Variants in QTMAN observed in about 807,000 individuals in gnomAD.
QTMAN encodes the protein tRNA-queuosine alpha-mannosyltransferase.
the QTMAN span, among the ~76,000 whole-genome samples, chr2:144,012,099 T>G: frequency 2.0e-5 from 3 of 151,992 alleles, no homozygotes; most frequent in Non-Finnish European, 4.4e-5. Context: ...TTCCAACCAA[T>G]AGCCAATATG....
At chr2:144,284,420 TA>T in the QTMAN span, among the ~76,000 whole-genome samples, 2 of 151,904 alleles carry the variant, frequency 1.3e-5, no homozygotes, top group African/African-American at 2.4e-5. Flanking sequence ...GATAATTAAG[TA>T]AAAAAGGAAA....
At chr2:144,021,063 T>G in the QTMAN span, among the ~76,000 whole-genome samples, 4 of 142,346 alleles carry the variant, frequency 2.8e-5, no homozygotes, top group Admixed American at 2.1e-4. Flanking sequence ...ACCGAGAAAA[T>G]AGTGTGGGAA....
the QTMAN span, among the ~76,000 whole-genome samples, chr2:144,214,696 CTTG>C: frequency 1.3e-5 from 2 of 152,232 alleles, no homozygotes; most frequent in Non-Finnish European, 1.5e-5. Flanking sequence ...ATTTTTGTGT[CTTG>C]TTGTAGAGAC....
the QTMAN span, among the ~76,000 whole-genome samples, chr2:143,951,428 A>T: frequency 6.6e-6 from 1 of 151,700 alleles, no homozygotes; most frequent in South Asian, 2.1e-4. Context: ...TCCCTTTGCC[A>T]TTCAGAGATG....
the QTMAN span, among the ~76,000 whole-genome samples, chr2:143,999,009 C>T: frequency 6.6e-6 from 1 of 151,892 alleles, no homozygotes; most frequent in Non-Finnish European, 1.5e-5. Context: ...AACAGTCACC[C>T]TATAATTCAT....
the QTMAN span, among the ~76,000 whole-genome samples, chr2:143,970,015 G>T: frequency 6.6e-6 from 1 of 152,300 alleles, no homozygotes; most frequent in South Asian, 2.1e-4. Context: ...ATGAATACTT[G>T]TATAACTTGT....
the QTMAN span, among the ~76,000 whole-genome samples, chr2:144,032,366 GA>G: frequency 6.6e-6 from 1 of 152,202 alleles, no homozygotes; most frequent in Non-Finnish European, 1.5e-5. Flanking sequence ...ACCAAATGTG[GA>G]ACATAGTCTT....
the QTMAN span, among the ~76,000 whole-genome samples, chr2:144,158,256 A>G: frequency 6.6e-6 from 1 of 152,042 alleles, no homozygotes; most frequent in Admixed American, 6.6e-5. Flanking sequence ...TTGAAAAACT[A>G]AGACTGTCAC....
At chr2:144,217,488 T>C in the QTMAN span, among the ~76,000 whole-genome samples, 13 of 152,182 alleles carry the variant, frequency 8.5e-5, no homozygotes, top group Non-Finnish European at 1.8e-4. Flanking sequence ...AATATAAATG[T>C]CACTATAAAT....
chr2:144,212,873 TAAACATC>T, the QTMAN span, among the ~76,000 whole-genome samples: 1 of 152,194 alleles, frequency 6.6e-6, no homozygotes, highest in Non-Finnish European at 1.5e-5. Context: ...GGTTAAATGC[TAAACATC>T]AAATTTGGCA....
the QTMAN span, among the ~76,000 whole-genome samples, chr2:144,119,395 C>T: frequency 6.6e-6 from 1 of 152,200 alleles, no homozygotes; most frequent in Non-Finnish European, 1.5e-5. Flanking sequence ...GATGAAAATA[C>T]CTTCCTGCTC....
chr2:144,311,719 C>G, the QTMAN span, among the ~76,000 whole-genome samples: 1 of 152,310 alleles, frequency 6.6e-6, no homozygotes, highest in East Asian at 1.9e-4. Flanking sequence ...CCTCCACAGA[C>G]TCCTCTGAAC....
chr2:144,092,150 T>C, the QTMAN span, among the ~76,000 whole-genome samples: 2 of 151,828 alleles, frequency 1.3e-5, no homozygotes, highest in Non-Finnish European at 2.9e-5. Context: ...GGTGTATACA[T>C]ACGTCAACAT....
At chr2:143,987,192 C>T in the QTMAN span, among the ~76,000 whole-genome samples, 1 of 152,112 alleles carries the variant, frequency 6.6e-6, no homozygotes, top group Non-Finnish European at 1.5e-5. Flanking sequence ...CAAGTAGGGT[C>T]TAGGGATATC....
chr2:144,127,029 T>A, the QTMAN span, among the ~76,000 whole-genome samples: 2 of 151,898 alleles, frequency 1.3e-5, no homozygotes, highest in African/African-American at 2.4e-5. Flanking sequence ...ACACAAAAAA[T>A]CTATTAACAC....
At chr2:144,178,182 C>T in the QTMAN span, 2 of 152,134 alleles carry the variant, frequency 1.3e-5, no homozygotes, top group Non-Finnish European at 2.9e-5. Flanking sequence ...TATTAGAAGC[C>T]TAGGGTTCAA....
chr2:144,148,497 G>C, the QTMAN span, among the ~76,000 whole-genome samples: 1 of 151,712 alleles, frequency 6.6e-6, no homozygotes, highest in African/African-American at 2.4e-5. Flanking sequence ...GAAGTAACAG[G>C]CATTAAATGG....
At chr2:144,074,634 C>T in the QTMAN span, among the ~76,000 whole-genome samples, 1 of 152,080 alleles carries the variant, frequency 6.6e-6, no homozygotes, top group South Asian at 2.1e-4. Flanking sequence ...TATAATCCAG[C>T]TCAATGATTT....
At chr2:144,019,077 G>C in the QTMAN span, among the ~76,000 whole-genome samples, 3 of 152,292 alleles carry the variant, frequency 2.0e-5, no homozygotes, top group Non-Finnish European at 4.4e-5. Flanking sequence ...GAAGGTGTGG[G>C]GAGGGGAGGG....
Sources: allele counts gnomAD v4.1 joint callset (sites outside exome capture counted in the v4.1 genomes callset), GRCh38; gene constraint gnomAD v4.1.1; transcripts MANE v1.5; gene names NCBI Gene and HGNC (gene_info 2026-07-23, HGNC 2026-07-21).